The following CMTM7 variants were observed in gnomAD, a reference collection of about 807,000 sequenced individuals.
CMTM7 encodes CKLF like MARVEL transmembrane domain containing 7, also known as CKLF-like MARVEL transmembrane domain-containing protein 7.
CMTM7 carries 7 observed loss-of-function variants against 19.3 expected under a neutral mutation model. That is an observed-to-expected ratio of 0.36 (90% CI 0.21 to 0.68). The LOEUF is 0.68. Ranked by LOEUF, CMTM7 falls within the 30% of genes least tolerant of loss-of-function variation. The pLI, the probability that CMTM7 is intolerant of heterozygous loss-of-function variation, is 0.60. For missense variants in CMTM7, 193 were observed against 232.6 expected, an observed-to-expected ratio of 0.83 and a Z score of 1.11; for synonymous variants, 87 against 99.3, an observed-to-expected ratio of 0.88 and a Z score of 0.74.
intron 1 of CMTM7, among the ~76,000 whole-genome samples, chr3:32,436,140 C>T (rs1232323650): frequency 6.6e-6 from 1 of 152,234 alleles, no homozygotes; most frequent in African/African-American, 2.4e-5. Context: ...TATTCTCCCT[C>T]CCTTGGGTTT....
At chr3:32,421,541 C>T (rs553889207) in intron 1 of CMTM7, among the ~76,000 whole-genome samples, 17 of 152,186 alleles carry the variant, frequency 1.1e-4, no homozygotes, top group Non-Finnish European at 2.4e-4. Context: ...GCTCTTCATA[C>T]GGGACATGCC....
chr3:32,404,062 G>A (rs1056871773), intron 1 of CMTM7, among the ~76,000 whole-genome samples: 1 of 151,892 alleles, frequency 6.6e-6, no homozygotes, highest in Non-Finnish European at 1.5e-5. Context: ...AGAGAGAGAG[G>A]ATCTAAAGTT....
At chr3:32,415,195 AAATAAT>A (rs141290896) in intron 1 of CMTM7, among the ~76,000 whole-genome samples, 4 of 151,392 alleles carry the variant, frequency 2.6e-5, no homozygotes, top group Admixed American at 6.6e-5. Context: ...CTCTGTCTCA[AAATAAT>A]AATAATAATA....
chr3:32,449,416 C>T lies in CMTM7; in HGVS notation c.334-38C>T, dbSNP rs200478443. ...TTGCTCTTCCCGGACCAGAAATGGA[C>T]GGCCCTACCCACTTATTTGCTTTGT... On this transcript the variant is annotated intron_variant, in intron 2 of 4. Coordinates refer to ENST00000334983, the MANE Select transcript of CMTM7 (RefSeq NM_138410.4). The surrounding 1 kb of genome is among the most constrained non-coding windows in gnomAD (Gnocchi z 4.5). 78 of 1,410,394 alleles carry T rather than the reference C, an allele frequency of 5.5e-5. No individual in the cohort carries two copies. The highest frequency in any genetic ancestry group is 4.1e-4 in the East Asian group (18 of 43,976). The allele number at this position is 1,410,394 out of a possible 1,614,324, so 87.4% of individuals were successfully genotyped here. A position where few individuals can be genotyped will look rare whatever the true frequency, so the allele number is the denominator to read the frequency against.
chr3:32,397,732 CA>C (rs35149379), intron 1 of CMTM7, among the ~76,000 whole-genome samples: 44,782 of 140,184 alleles, frequency 0.32, 7,509 homozygotes, highest in South Asian at 0.42. Flanking sequence ...GACTCTGTCT[CA>C]AAAAAAAAAA....
Position 32,391,869 on chromosome 3 carries a change from G to T in CMTM7, c.-38G>T. 1 of 1,169,174 alleles carries T rather than the reference G, an allele frequency of 8.6e-7. No homozygotes were observed. Among genetic ancestry groups the T allele is most frequent in the Middle Eastern group, 3.4e-4 (1 of 2,916 alleles). The allele number at this position is 1,169,174 out of a possible 1,614,324, so 72.4% of individuals were successfully genotyped here. On this transcript the variant is annotated 5_prime_UTR_variant, in exon 1 of 5. Coordinates refer to ENST00000334983, the MANE Select transcript of CMTM7 (RefSeq NM_138410.4). The stretch of plus-strand genomic sequence containing the variant: ...GCCCTCTGTATCTGGCCCCTGGGCA[G>T]CTGCCCGGGGAGGCGGCCAGCGAGC...
In CMTM7 at chr3:32,449,721, A is replaced by G. The variant is rs1696802975; in HGVS notation, c.432+169A>G. ...TCCAAAGAGCCTTAAGCAGAGGCGT[A>G]CAGTCCCAGAAGGTGGATTGTCAGG... On this transcript the variant is annotated intron_variant, in intron 3 of 4. Transcript: ENST00000334983. The surrounding 1 kb of genome is among the most constrained non-coding windows in gnomAD (Gnocchi z 4.5). 6.6e-6 allele frequency among the ~76,000 whole-genome samples: 1 copy of G among 152,200 alleles called. No individual in the cohort carries two copies.
chr3:32,420,792 C>T (rs1696331880), intron 1 of CMTM7, among the ~76,000 whole-genome samples: 1 of 152,202 alleles, frequency 6.6e-6, no homozygotes, highest in Non-Finnish European at 1.5e-5. Context: ...GGTCTGGGGG[C>T]AGGAGAGGGG....
intron 2 of CMTM7, among the ~76,000 whole-genome samples, chr3:32,448,514 G>A (rs1696784556): frequency 6.6e-6 from 1 of 152,250 alleles, no homozygotes; most frequent in Admixed American, 6.5e-5. Context: ...AGCACTGGAA[G>A]TGGCCCCCAG....
At chr3:32,392,897 C>T (rs897503088) in intron 1 of CMTM7, among the ~76,000 whole-genome samples, 3 of 152,190 alleles carry the variant, frequency 2.0e-5, no homozygotes, top group African/African-American at 4.8e-5. Flanking sequence ...TCTCCCCTCC[C>T]GTTTTTTTCT....
intron 3 of CMTM7, chr3:32,451,692 A>G: frequency 5.3e-6 from 1 of 188,702 alleles, no homozygotes; most frequent in South Asian, 9.1e-5. Flanking sequence ...ATTCCAGAAG[A>G]AGCTACTGCC....
intron 1 of CMTM7, among the ~76,000 whole-genome samples, chr3:32,405,230 A>G (rs1480297017): frequency 1.3e-5 from 2 of 152,252 alleles, no homozygotes; most frequent in African/African-American, 4.8e-5. Context: ...GGAAACTGTG[A>G]GAAGATAAAT....
intron 1 of CMTM7, among the ~76,000 whole-genome samples, chr3:32,421,525 A>G (rs1696343614): frequency 6.6e-6 from 1 of 152,124 alleles, no homozygotes; most frequent in Admixed American, 6.5e-5. Flanking sequence ...CACCAGGGCC[A>G]TGTCTGCTCT....
Position 32,436,004 on chromosome 3 carries a change from A to G in CMTM7, c.160-5836A>G, listed in dbSNP as rs1259070674. 2.6e-5 allele frequency among the ~76,000 whole-genome samples: 4 copies of G among 152,200 alleles called. No individual in the cohort carries two copies. In the East Asian group the frequency reaches 7.7e-4, roughly 29 times the overall value. ...AGAATTACCCCCAGCATGGACAAAC[A>G]TAGAATCTGGTTTTCGGTATGCTGC... On this transcript the variant is annotated intron_variant, in intron 1 of 4. Coordinates refer to ENST00000334983, the MANE Select transcript of CMTM7 (RefSeq NM_138410.4).
At chr3:32,409,689 G>T (rs1281588150) in intron 1 of CMTM7, among the ~76,000 whole-genome samples, 1 of 152,188 alleles carries the variant, frequency 6.6e-6, no homozygotes, top group Non-Finnish European at 1.5e-5. Context: ...GGATATTAAA[G>T]TCAGTTTGGT....
chr3:32,436,091 A>G (rs1298675577), intron 1 of CMTM7, among the ~76,000 whole-genome samples: 3 of 152,204 alleles, frequency 2.0e-5, no homozygotes, highest in Non-Finnish European at 4.4e-5. Flanking sequence ...TGAGCTGCCC[A>G]AGGCCTGGAG....
chr3:32,448,655 G>A (rs1031844048), intron 2 of CMTM7, among the ~76,000 whole-genome samples: 2 of 152,230 alleles, frequency 1.3e-5, no homozygotes, highest in Admixed American at 1.3e-4. Flanking sequence ...GAGTGAGTGG[G>A]GTGGAAATGC....
intron 1 of CMTM7, among the ~76,000 whole-genome samples, chr3:32,430,114 TG>T (rs553597884): frequency 2.0e-5 from 3 of 152,304 alleles, no homozygotes; most frequent in South Asian, 4.1e-4. Flanking sequence ...TCTTTTTAAG[TG>T]TGTGCAATTC....
intron 2 of CMTM7, among the ~76,000 whole-genome samples, chr3:32,448,258 G>A (rs1451352215): frequency 6.6e-6 from 1 of 152,130 alleles, no homozygotes; most frequent in African/African-American, 2.4e-5. Context: ...TGGGGAACTT[G>A]CAGTTACTCA....
Sources: allele counts gnomAD v4.1 joint callset (sites outside exome capture counted in the v4.1 genomes callset), GRCh38; gene constraint gnomAD v4.1.1; non-coding constraint Gnocchi (gnomAD v3.1); transcripts MANE v1.5; gene names NCBI Gene and HGNC (gene_info 2026-07-23, HGNC 2026-07-21).